Variants in PSMG2 observed in about 807,000 individuals in gnomAD.
The protein encoded by PSMG2 is proteasome assembly chaperone 2, also known as CD40 ligand-activated specific transcript 3.
PSMG2 carries 21 observed loss-of-function variants against 31.5 expected under a neutral mutation model. The observed-to-expected ratio is 0.67, with a 90% CI of 0.47 to 0.96. The LOEUF (loss-of-function observed/expected upper bound fraction) is 0.96, where lower values mean the gene tolerates loss of function less well. Among genes scored for constraint, PSMG2 ranks in the 40% least tolerant of loss-of-function variants. The pLI, the probability that PSMG2 is intolerant of heterozygous loss-of-function variation, is 0.00. For missense variants in PSMG2, 318 were observed against 321.2 expected (o/e 0.99, Z 0.08); for synonymous variants, 120 against 110.4 (o/e 1.09, Z -0.54).
At chr18:12,702,731 C>G (rs914521283), upstream of PSMG2, 3 of 623,886 alleles carry the variant, frequency 4.8e-6, no homozygotes, top group Non-Finnish European at 8.0e-6. Flanking sequence ...AATGAGGCCC[C>G]GGCGGCGGCG....
intron 3 of PSMG2, 115 bp downstream of exon 3, chr18:12,712,875 C>G (rs1224108131): frequency 3.0e-6 from 2 of 674,898 alleles, no homozygotes; most frequent in East Asian, 2.8e-5. Flanking sequence ...CAGTTAAGAT[C>G]TGATTCTACA....
intron 1 of PSMG2, among the ~76,000 whole-genome samples, chr18:12,695,908 T>C (rs1249160924): frequency 6.6e-6 from 1 of 151,774 alleles, no homozygotes; most frequent in African/African-American, 2.4e-5. Flanking sequence ...AGCATTTATA[T>C]TGTCACTTAT....
chr18:12,686,627 C>A, intron 1 of PSMG2: 1 of 455,160 alleles, frequency 2.2e-6, no homozygotes, highest in Non-Finnish European at 3.9e-6. Flanking sequence ...TCCTCATCTC[C>A]GTTATTTTCA....
chr18:12,671,642 C>CTTTTTTTTTT (rs869130220), intron 1 of PSMG2, among the ~76,000 whole-genome samples: 5 of 55,544 alleles, frequency 9.0e-5, no homozygotes, highest in African/African-American at 2.0e-4. Context: ...TTCACACTTT[C>CTTTTTTTTTT]TTTTTTTTTT....
chr18:12,701,020 T>C (rs755637311), upstream of PSMG2: 2 of 1,613,896 alleles, frequency 1.2e-6, no homozygotes, highest in African/African-American at 2.7e-5. Context: ...AGGGCTTTGA[T>C]CAAATCTTCT....
chr18:12,709,944 CTTT>C (rs768131982), intron 2 of PSMG2, among the ~76,000 whole-genome samples: 4 of 132,172 alleles, frequency 3.0e-5, no homozygotes, highest in Non-Finnish European at 3.3e-5. Context: ...CCCTCATAAA[CTTT>C]TTTTTTTTTT....
intron 1 of PSMG2, chr18:12,662,270 T>C: frequency 2.4e-6 from 1 of 410,148 alleles, no homozygotes; most frequent in South Asian, 1.8e-5. Context: ...TATACATCTG[T>C]AGTGCTATTT....
At chr18:12,686,438 T>C (rs1355325702) in intron 1 of PSMG2, 1 of 1,609,300 alleles carries the variant, frequency 6.2e-7, no homozygotes, top group East Asian at 2.2e-5. Context: ...GGTCTATTTA[T>C]CCCATTTTCA....
At chr18:12,668,897 TG>T (rs2038867489) in intron 1 of PSMG2, among the ~76,000 whole-genome samples, 1 of 151,224 alleles carries the variant, frequency 6.6e-6, no homozygotes, top group African/African-American at 2.4e-5. Flanking sequence ...TGGGCTACTA[TG>T]CCTGGCTAAT....
At chr18:12,703,590 T>C (rs577454650) in intron 1 of PSMG2, among the ~76,000 whole-genome samples, 2 of 152,364 alleles carry the variant, frequency 1.3e-5, no homozygotes, top group East Asian at 3.9e-4. Flanking sequence ...AGCGCAGTTT[T>C]ATCGCTCTTT....
At chr18:12,664,924 C>T (rs1204837214) in intron 1 of PSMG2, 1 of 152,144 alleles carries the variant, frequency 6.6e-6, no homozygotes, top group African/African-American at 2.4e-5. Context: ...GTCTCAAACT[C>T]CTGATCTCAA....
intron 2 of PSMG2, among the ~76,000 whole-genome samples, chr18:12,709,467 T>C (rs1206349769): frequency 6.6e-6 from 1 of 151,288 alleles, no homozygotes; most frequent in Admixed American, 6.6e-5. Flanking sequence ...GCTGGGATTG[T>C]AGGCACTCAC....
intron 1 of PSMG2, chr18:12,678,069 A>G: frequency 1.3e-6 from 2 of 1,513,162 alleles, no homozygotes; most frequent in Admixed American, 1.7e-5. Context: ...TACATAAATG[A>G]AAAGAAGTAT....
Position 12,683,756 on chromosome 18 carries a change from A to G in PSMG2, c.-36-22794A>G, listed in dbSNP as rs550092500. Among the ~76,000 whole-genome samples, 6 of 148,328 alleles carry G rather than the reference A, an allele frequency of 4.0e-5. No individual in the cohort carries two copies. The Admixed American group carries it at 4.1e-4, about 10-fold the overall frequency. On this transcript the variant is annotated intron_variant, in intron 1 of 6. Coordinates refer to the PSMG2 transcript ENST00000585331. ...ACAAGAGGAAAACTCTGTCTCATTTAAAAAAAAAAGGAAATCAGAAAGACT... is the reference window on the plus strand; with the variant it reads ...ACAAGAGGAAAACTCTGTCTCATTTGAAAAAAAAAGGAAATCAGAAAGACT...
At chr18:12,675,379 G>A (rs939697467) in intron 1 of PSMG2, among the ~76,000 whole-genome samples, 1 of 152,080 alleles carries the variant, frequency 6.6e-6, no homozygotes, top group Non-Finnish European at 1.5e-5. Flanking sequence ...CTGGGCAACA[G>A]AGCGAGACTC....
intron 1 of PSMG2, 35 bp downstream of exon 1, chr18:12,703,199 C>T (rs1465134999): frequency 6.3e-7 from 1 of 1,582,602 alleles, no homozygotes; most frequent in Non-Finnish European, 8.6e-7. Context: ...CTGCCGCCTC[C>T]CGAGGCCCCT....
intron 1 of PSMG2, among the ~76,000 whole-genome samples, chr18:12,659,062 CAG>C (rs1004513684): frequency 1.3e-5 from 2 of 152,144 alleles, no homozygotes; most frequent in Admixed American, 1.3e-4. Context: ...TGCAATAAAA[CAG>C]ATAATTCTTA....
intron 5 of PSMG2, 130 bp downstream of exon 5, chr18:12,720,813 C>A: frequency 4.3e-6 from 4 of 933,508 alleles, no homozygotes; most frequent in Non-Finnish European, 6.1e-6. Flanking sequence ...CAAAAAACAA[C>A]AACAAAAAAA....
intron 1 of PSMG2, among the ~76,000 whole-genome samples, chr18:12,688,809 T>C (rs2039638355): frequency 6.6e-6 from 1 of 152,124 alleles, no homozygotes; most frequent in Non-Finnish European, 1.5e-5. Context: ...ATACAGAACA[T>C]TTCCATCATT....
Sources: allele counts gnomAD v4.1 joint callset (sites outside exome capture counted in the v4.1 genomes callset), GRCh38; gene constraint gnomAD v4.1.1; transcripts MANE v1.5; gene names NCBI Gene and HGNC (gene_info 2026-07-23, HGNC 2026-07-21).